Variants in CNTN6 observed in about 807,000 individuals in gnomAD.
The protein encoded by CNTN6 is contactin-6.
CNTN6 carries 137 observed loss-of-function variants against 122.8 expected under a neutral mutation model. The ratio of observed to expected loss-of-function variants is 1.12; its 90% CI spans 0.97 to 1.29. CNTN6 has a LOEUF of 1.29. CNTN6 is among the 50% of genes most tolerant of loss of function. CNTN6 has a pLI of 0.00. For synonymous variants in CNTN6, 570 were observed against 426.0 expected (o/e 1.34, Z -4.16); for missense variants, 1,634 against 1,223.4 (o/e 1.34, Z -5.01).
At chr3:1,311,447 TCTTTATATGTACATATATGTAC>T (rs1699277764) in intron 7 of CNTN6, among the ~76,000 whole-genome samples, 5 of 85,830 alleles carry the variant, frequency 5.8e-5, no homozygotes, top group African/African-American at 2.2e-4. Context: ...ATATAAAATG[TCTTTATATGTACATATATGTAC>T]ATATAAAATG....
At chr3:1,345,172 G>A (rs75399790) in intron 11 of CNTN6, among the ~76,000 whole-genome samples, 6,733 of 150,834 alleles carry the variant, frequency 0.045, 208 homozygotes, top group African/African-American at 0.059. Flanking sequence ...GCTGTAGTGC[G>A]GTGGCACGAT....
intron 4 of CNTN6, among the ~76,000 whole-genome samples, chr3:1,244,317 G>T (rs567897842): frequency 1.3e-5 from 2 of 152,212 alleles, no homozygotes; most frequent in South Asian, 4.1e-4. Context: ...GGGTTTGGGG[G>T]TTCTTGCCTC....
intron 4 of CNTN6, among the ~76,000 whole-genome samples, chr3:1,247,132 G>C (rs560069851): frequency 2.6e-5 from 4 of 151,844 alleles, no homozygotes. Flanking sequence ...AGTGTATTTT[G>C]TCCTTCGTAT....
intron 19 of CNTN6, among the ~76,000 whole-genome samples, chr3:1,385,383 G>T (rs560623903): frequency 6.6e-6 from 1 of 152,214 alleles, no homozygotes; most frequent in African/African-American, 2.4e-5. Context: ...AAAAAATCAC[G>T]TTCTCTAATT....
At chr3:1,260,312 A>C (rs146709644) in intron 4 of CNTN6, among the ~76,000 whole-genome samples, 1 of 152,092 alleles carries the variant, frequency 6.6e-6, no homozygotes, top group African/African-American at 2.4e-5. Context: ...TTCCGATTCA[A>C]AACATCCAGA....
chr3:1,360,958 C>T (rs190858205), intron 12 of CNTN6, among the ~76,000 whole-genome samples: 368 of 151,978 alleles, frequency 2.4e-3, no homozygotes, highest in Non-Finnish European at 4.4e-3. Flanking sequence ...ATTCAATTGC[C>T]CCAAAATGGT....
chr3:1,382,396 A>G (rs1396892452), intron 17 of CNTN6, among the ~76,000 whole-genome samples: 1 of 152,164 alleles, frequency 6.6e-6, no homozygotes, highest in Non-Finnish European at 1.5e-5. Context: ...GGAAAAATGC[A>G]CACATGTCAC....
At chr3:1,386,261 G>GC in intron 20 of CNTN6, among the ~76,000 whole-genome samples, 1 of 152,128 alleles carries the variant, frequency 6.6e-6, no homozygotes, top group East Asian at 1.9e-4. Flanking sequence ...TCAGTAAATG[G>GC]TTTTTTTGTT....
At chr3:1,327,147 T>C (rs1701648940) in intron 9 of CNTN6, among the ~76,000 whole-genome samples, 1 of 151,940 alleles carries the variant, frequency 6.6e-6, no homozygotes, top group Non-Finnish European at 1.5e-5. Flanking sequence ...TTTCCTGGAA[T>C]AATTAGGACG....
intron 2 of CNTN6, 119 bp downstream of exon 2, chr3:1,148,182 T>C: frequency 5.3e-6 from 4 of 748,058 alleles, no homozygotes; most frequent in South Asian, 1.9e-5. Flanking sequence ...GACTAAGTGA[T>C]AATGTTTTGA....
chr3:1,352,589 C>T, intron 12 of CNTN6, 138 bp downstream of exon 12: 1 of 967,878 alleles, frequency 1.0e-6, no homozygotes, highest in Non-Finnish European at 1.5e-6. Flanking sequence ...GAGATCCATT[C>T]CCGTACTCAT....
At position 1,101,451 on chromosome 3, in the gene CNTN6, G is replaced by T. The variant is rs193287555; in HGVS notation, c.-83+8331G>T. Among the ~76,000 whole-genome samples, 634 of 152,244 alleles carry T rather than the reference G, an allele frequency of 4.2e-3. 2 individuals are homozygous for T. The highest frequency in any genetic ancestry group is 0.02 in the Middle Eastern group (6 of 294). Reference sequence around the variant, plus strand: ...TGGAAAAGAAATCCCTCTTCACGTTGCATGGTGCCGTGTACTTCCCTATAC... The same window carrying T: ...TGGAAAAGAAATCCCTCTTCACGTTTCATGGTGCCGTGTACTTCCCTATAC... On this transcript the variant is annotated intron_variant, in intron 1 of 22. Coordinates refer to ENST00000446702, the MANE Select transcript of CNTN6 (RefSeq NM_001289080.2).
intron 1 of CNTN6, among the ~76,000 whole-genome samples, chr3:1,114,501 C>A (rs967117491): frequency 2.0e-5 from 3 of 152,112 alleles, no homozygotes; most frequent in African/African-American, 7.2e-5. Flanking sequence ...TGTGTTAAGT[C>A]CTATGTGGAT....
chr3:1,158,943 T>TACAC (rs1559423069), intron 2 of CNTN6, among the ~76,000 whole-genome samples: 9 of 102,908 alleles, frequency 8.7e-5, no homozygotes, highest in East Asian at 4.6e-4. Flanking sequence ...CACACACACA[T>TACAC]ATATATATAT....
chr3:1,104,920 C>A (rs1175457122), intron 1 of CNTN6, among the ~76,000 whole-genome samples: 1 of 152,064 alleles, frequency 6.6e-6, no homozygotes, highest in African/African-American at 2.4e-5. Flanking sequence ...TTTACTCAAA[C>A]CAATAACCTA....
At chr3:1,327,207 A>G (rs977842071) in intron 9 of CNTN6, among the ~76,000 whole-genome samples, 2 of 152,044 alleles carry the variant, frequency 1.3e-5, no homozygotes, top group Admixed American at 6.6e-5. Flanking sequence ...AAGTTAACAT[A>G]CATTTTGTGC....
At chr3:1,181,764 G>A (rs2093557845) in intron 2 of CNTN6, among the ~76,000 whole-genome samples, 1 of 152,074 alleles carries the variant, frequency 6.6e-6, no homozygotes. Context: ...CATGGGTGTG[G>A]AAAATTGATA....
intron 2 of CNTN6, among the ~76,000 whole-genome samples, chr3:1,215,079 C>T (rs72999890): frequency 0.069 from 10,555 of 152,262 alleles, 454 homozygotes; most frequent in Middle Eastern, 0.1. Context: ...ACTTAGCTTG[C>T]TATTTCTGTC....
chr3:1,184,079 C>G (rs2093597150), intron 2 of CNTN6, among the ~76,000 whole-genome samples: 1 of 152,166 alleles, frequency 6.6e-6, no homozygotes, highest in Non-Finnish European at 1.5e-5. Flanking sequence ...TAGAGATACT[C>G]TCTCACAAGA....
Sources: gnomAD v4.1 joint callset for allele counts (sites outside exome capture counted in the v4.1 genomes callset) on GRCh38, gnomAD v4.1.1 for gene constraint, MANE v1.5 for transcripts, NCBI Gene and HGNC (gene_info 2026-07-23, HGNC 2026-07-21) for gene names.